ITPRID2: variants seen among roughly 807,000 people sequenced by gnomAD.
ITPRID2 encodes protein ITPRID2.
In ITPRID2, 60 loss-of-function variants were observed where a neutral mutation model predicts 124.3. That is an observed-to-expected ratio of 0.48 (90% CI 0.39 to 0.60). ITPRID2 has a LOEUF of 0.60. ITPRID2 is among the 20% of genes least tolerant of loss of function. The pLI is 0.00. For synonymous variants in ITPRID2, 521 were observed against 542.9 expected, an observed-to-expected ratio of 0.96 and a Z score of 0.56; for missense variants, 1,553 against 1,512.2, an observed-to-expected ratio of 1.03 and a Z score of -0.45.
At chr2:181,916,455 C>CT in intron 11 of ITPRID2, 28 bp downstream of exon 11, 1 of 1,590,280 alleles carries the variant, frequency 6.3e-7, no homozygotes. Context: ...TTATCATTAG[C>CT]TTTTTTCTTT....
intron 11 of ITPRID2, 146 bp downstream of exon 11, chr2:181,916,573 G>A (rs898591556): frequency 4.9e-5 from 52 of 1,069,574 alleles, no homozygotes; most frequent in African/African-American, 9.6e-5. Context: ...ATCTGCCTTC[G>A]TTTTCTATCT....
chr2:181,895,210 A>G (rs1240373905), intron 2 of ITPRID2, among the ~76,000 whole-genome samples: 1 of 152,046 alleles, frequency 6.6e-6, no homozygotes, highest in Non-Finnish European at 1.5e-5. Flanking sequence ...ATTGTTACTG[A>G]AGAAAGGTGT....
rs947279291 is a variant in ITPRID2 at position 181,892,946 on chromosome 2, G to T, written c.257+286G>T. 6 of 517,950 alleles carry T rather than the reference G, an allele frequency of 1.2e-5. No homozygotes were observed. The highest frequency in any genetic ancestry group is 5.8e-5 in the South Asian group (2 of 34,440). 32.1% of individuals were successfully genotyped at this position (517,950 alleles called of 1,614,324 possible). A position where few individuals can be genotyped will look rare whatever the true frequency, so the allele number is the denominator to read the frequency against. ...CAGAACAGATAATCATGCCATATTTGTTCTGTTTTTATTTGAAAGAATTCT... is the reference window on the plus strand; with the variant it reads ...CAGAACAGATAATCATGCCATATTTTTTCTGTTTTTATTTGAAAGAATTCT... On this transcript the variant is annotated intron_variant, in intron 2 of 17. Transcript: ENST00000431877. This position sits in a 1 kb window ranked among gnomAD's most constrained non-coding sequence, Gnocchi z 5.2.
At position 181,891,860 on chromosome 2, in the gene ITPRID2, T is replaced by G. The variant is rs531528399; in HGVS notation, c.-207T>G. The stretch of plus-strand genomic sequence containing the variant: ...TCCCGCGCGCGCCCGGCCGCCTTCA[T>G]GTGAAGCGCCGGCCCTCCGCCCCTT... On this transcript the variant is annotated 5_prime_UTR_variant, in exon 1 of 18. The change abolishes an upstream ATG in the 5' untranslated region. Transcript: ENST00000431877. 27 of 334,964 alleles carry G rather than the reference T, an allele frequency of 8.1e-5. No individual in the cohort carries two copies. Among genetic ancestry groups the G allele is most frequent in the South Asian group, 1.3e-4 (5 of 37,892 alleles). 20.7% of individuals were successfully genotyped at this position (334,964 alleles called of 1,614,324 possible). A position where few individuals can be genotyped will look rare whatever the true frequency, so the allele number is the denominator to read the frequency against.
In ITPRID2 at chr2:181,913,828, CA is replaced by C. The variant is rs761384085; in HGVS notation, c.1487-16del. On this transcript the variant is annotated splice_polypyrimidine_tract_variant and intron_variant, in intron 9 of 17. Transcript: ENST00000431877. Reference sequence around the variant, plus strand: ...ATAGATCATCTGTTTCTTATAGCCACATTTTTTTATTCATAGATCATCTGTT... The same window carrying C: ...ATAGATCATCTGTTTCTTATAGCCACTTTTTTTATTCATAGATCATCTGTT... 3.8e-6 allele frequency: 6 copies of C among 1,592,250 alleles called. No homozygotes were observed. The highest frequency in any genetic ancestry group is 5.1e-6 in the Non-Finnish European group (6 of 1,169,336).
Position 181,896,990 on chromosome 2 carries a change from T to C in ITPRID2, c.364+26T>C, listed in dbSNP as rs376494985. 6.9e-6 allele frequency: 11 copies of C among 1,591,716 alleles called. No homozygotes were observed. In the African/African-American group the frequency reaches 1.5e-4, roughly 21 times the overall value. On this transcript the variant is annotated intron_variant, in intron 4 of 17. Coordinates refer to ENST00000431877, the MANE Select transcript of ITPRID2 (RefSeq NM_001130445.3). The surrounding 1 kb of genome is among the most constrained non-coding windows in gnomAD (Gnocchi z 4.3). ...GTATGTTTGTTTGGAAGAACTGTAT[T>C]TTTGTGTAGTTTTCAAATTTAAAAA...
rs145637080 is a variant in ITPRID2, at chr2:181,901,809, G to A, written c.756G>A (p.Ala252=). Residue 252 remains alanine (A), a synonymous_variant, in exon 8 of 18, where the codon GCG becomes GCA. Coordinates refer to ENST00000431877, the MANE Select transcript of ITPRID2 (RefSeq NM_001130445.3). Reference sequence around the variant, plus strand: ...AAGTGCTTACTACTGTGGCCAATGCGTTTTCTTCTTTATATTCTCAAGTCT... The same window carrying A: ...AAGTGCTTACTACTGTGGCCAATGCATTTTCTTCTTTATATTCTCAAGTCT... ...QIEVLTTVAN[A]FSSLYSQVSG... is the part of the protein sequence containing the mutation. 1.7e-4 allele frequency: 282 copies of A among 1,613,464 alleles called. No individual in the cohort carries two copies. In the African/African-American group the frequency reaches 3.4e-3, roughly 19 times the overall value.
Position 181,919,381 on chromosome 2 carries a change from C to T in ITPRID2, c.3079C>T (p.Leu1027=). 6.2e-7 allele frequency: 1 copy of T among 1,613,994 alleles called. No homozygotes were observed. The highest frequency in any genetic ancestry group is 8.5e-7 in the Non-Finnish European group (1 of 1,179,956). ...DLELQLEERL[L]GLEEQLRAVR... ...GGAACTGCAGCTGGAGGAGCGCCTG[C>T]TGGGCCTGGAGGAGCAGCTTCGTGC... The change falls in exon 14 of 18, where the codon CTG becomes TTG. Residue 1027 remains leucine, a synonymous_variant. Transcript: ENST00000431877. This position sits in a 1 kb window ranked among gnomAD's most constrained non-coding sequence, Gnocchi z 4.2.
chr2:181,915,777 A>G lies in ITPRID2; in HGVS notation c.2137A>G (p.Ser713Gly). 1 of 1,614,200 alleles carries G rather than the reference A, an allele frequency of 6.2e-7. No individual in the cohort carries two copies. Among genetic ancestry groups the G allele is most frequent in the Non-Finnish European group, 8.5e-7 (1 of 1,180,046 alleles). Residue 713 changes from serine (S) to glycine (G), a missense_variant, in exon 11 of 18, where the codon AGC becomes GGC. Transcript: ENST00000431877. ...TCTGTCTAATCAAAGGATGGGGCGT[A>G]GCCTGCTAAAATCAAAAGATTTGTT... ...CSLSNQRMGRSLLKSKDLLKQ... is the reference protein window; with the variant it reads ...CSLSNQRMGRGLLKSKDLLKQ...
chr2:181,921,545 G>C (rs1043832922), intron 15 of ITPRID2, among the ~76,000 whole-genome samples: 2 of 152,048 alleles, frequency 1.3e-5, no homozygotes, highest in African/African-American at 4.8e-5. Flanking sequence ...GTTTGATCCT[G>C]GTTCTTTAGG....
Position 181,929,741 on chromosome 2 carries a change from C to T in ITPRID2, c.*194C>T. ...CGTACATAGAAACTTAGGCACTTTGCTATTTCTTTTCTAAACTATCAAAAA... is the reference window on the plus strand; with the variant it reads ...CGTACATAGAAACTTAGGCACTTTGTTATTTCTTTTCTAAACTATCAAAAA... On this transcript the variant is annotated 3_prime_UTR_variant, in exon 18 of 18. Transcript: ENST00000431877. 1 of 871,888 alleles carries T rather than the reference C, an allele frequency of 1.1e-6. No individual in the cohort carries two copies. Among genetic ancestry groups the T allele is most frequent in the Non-Finnish European group, 1.7e-6 (1 of 594,578 alleles). 54.0% of individuals were successfully genotyped at this position (871,888 alleles called of 1,614,324 possible).
At position 181,922,043 on chromosome 2, in the gene ITPRID2, A is replaced by C. The variant is rs565055198; in HGVS notation, c.3306A>C (p.Ser1102=). Residue 1102 remains serine, a synonymous_variant, in exon 16 of 18, where the codon TCA becomes TCC. Coordinates refer to ENST00000431877, the MANE Select transcript of ITPRID2 (RefSeq NM_001130445.3). ...MGFEIPPGES[S]ESVFSQATSE... ...TTGAAATTCCTCCTGGAGAAAGCTC[A>C]GAATCTGTTTTTTCCCAAGCAACAT... 8.7e-6 allele frequency: 14 copies of C among 1,614,258 alleles called. No individual in the cohort carries two copies. In the South Asian group the frequency reaches 1.3e-4, roughly 15 times the overall value.
intron 16 of ITPRID2, 101 bp downstream of exon 16, chr2:181,922,513 T>C (rs914670903): frequency 1.8e-6 from 2 of 1,127,982 alleles, no homozygotes; most frequent in Non-Finnish European, 2.5e-6. Context: ...TGATTCACTG[T>C]ATTCAATAAT....
At position 181,930,256 on chromosome 2, in the gene ITPRID2, ACTT is replaced by A. The variant is rs1387162697; in HGVS notation, c.*713_*715del. On this transcript the variant is annotated 3_prime_UTR_variant, in exon 18 of 18. Coordinates refer to ENST00000431877, the MANE Select transcript of ITPRID2 (RefSeq NM_001130445.3). ...TACTTTTACTTTTTGCATTGTCCAG[ACTT>A]CTTTATTAGATGGAGATGTTTCTTT... 3 of 152,556 alleles carry A rather than the reference ACTT, an allele frequency of 2.0e-5. No homozygotes were observed. The highest frequency in any genetic ancestry group is 7.2e-5 in the African/African-American group (3 of 41,448). The allele number at this position is 152,556 out of a possible 1,614,324, so 9.5% of individuals were successfully genotyped here. A position where few individuals can be genotyped will look rare whatever the true frequency, so the allele number is the denominator to read the frequency against.
chr2:181,895,411 T>C (rs1692111581), intron 2 of ITPRID2, among the ~76,000 whole-genome samples: 1 of 152,062 alleles, frequency 6.6e-6, no homozygotes, highest in African/African-American at 2.4e-5. Context: ...TTTTTAGTAA[T>C]TTTCAAAGTT....
At position 181,915,769 on chromosome 2, in the gene ITPRID2, T is replaced by G; in HGVS notation, c.2129T>G (p.Met710Arg). 1 of 1,614,134 alleles carries G rather than the reference T, an allele frequency of 6.2e-7. No homozygotes were observed. Residue 710 changes from methionine to arginine, a missense_variant, in exon 11 of 18, where the codon ATG becomes AGG. Transcript: ENST00000431877. ...GTTTGCAGTCTGTCTAATCAAAGGA[T>G]GGGGCGTAGCCTGCTAAAATCAAAA... The part of the protein sequence containing the change: ...MKVCSLSNQR[M>R]GRSLLKSKDL...
At chr2:181,929,504 C>T in intron 17 of ITPRID2, 57 bp from the exon 18 acceptor site, 2 of 1,197,450 alleles carry the variant, frequency 1.7e-6, no homozygotes, top group Non-Finnish European at 1.2e-6. Flanking sequence ...TTTAAAGAAG[C>T]TTTTAATAAC....
chr2:181,900,146 ACTC>A (rs1692541816), intron 6 of ITPRID2, among the ~76,000 whole-genome samples: 2 of 152,158 alleles, frequency 1.3e-5, no homozygotes, highest in South Asian at 2.1e-4. Context: ...TCTGTACCTT[ACTC>A]CTCCTACTTC....
chr2:181,892,146 G>T lies in ITPRID2; in HGVS notation c.80G>T (p.Trp27Leu). The change falls in exon 1 of 18, where the codon TGG becomes TTG. Residue 27 changes from tryptophan to leucine, a missense_variant. Trp to Leu is a moderately conservative substitution (Grantham distance 61, BLOSUM62 -2). Coordinates refer to ENST00000431877, the MANE Select transcript of ITPRID2 (RefSeq NM_001130445.3). The surrounding 1 kb of genome is among the most constrained non-coding windows in gnomAD (Gnocchi z 5.2). ...WQVASRRRKA[W>L]AKCRSSWQAS... ...GTGGCGAGTCGCAGGAGGAAGGCCT[G>T]GGCCAAGTGCCGCAGCTCCTGGCAA... 1 of 1,558,012 alleles carries T rather than the reference G, an allele frequency of 6.4e-7. No individual in the cohort carries two copies. Among genetic ancestry groups the T allele is most frequent in the Non-Finnish European group, 8.7e-7 (1 of 1,151,302 alleles).
Sources: allele counts gnomAD v4.1 joint callset (sites outside exome capture counted in the v4.1 genomes callset), GRCh38; gene constraint gnomAD v4.1.1; non-coding constraint Gnocchi (gnomAD v3.1); transcripts MANE v1.5; gene names NCBI Gene and HGNC (gene_info 2026-07-23, HGNC 2026-07-21).